ANGPT1: variants seen among roughly 807,000 people sequenced by gnomAD.
ANGPT1 encodes angiopoietin-1.
In ANGPT1, 17 loss-of-function variants were observed where a neutral mutation model predicts 62.2. That is an observed-to-expected ratio of 0.27 (90% CI 0.19 to 0.41). ANGPT1 has a LOEUF of 0.41. Among genes scored for constraint, ANGPT1 ranks in the 10% least tolerant of loss-of-function variants. The pLI, the probability that ANGPT1 is intolerant of heterozygous loss-of-function variation, is 1.00. For synonymous variants in ANGPT1, 199 were observed against 198.9 expected (o/e 1.00, Z 0.00); for missense variants, 478 against 594.9 (o/e 0.80, Z 2.04).
chr8:107,482,034 GGAC>G (rs1252323253), intron 1 of ANGPT1, among the ~76,000 whole-genome samples: 1 of 152,082 alleles, frequency 6.6e-6, no homozygotes, highest in Non-Finnish European at 1.5e-5. Flanking sequence ...TTAAATTCCC[GGAC>G]CTTCAGTTCT....
chr8:107,422,013 A>C (rs751278102), intron 1 of ANGPT1, among the ~76,000 whole-genome samples: 2 of 152,148 alleles, frequency 1.3e-5, no homozygotes, highest in Non-Finnish European at 2.9e-5. Context: ...CTTTTAGAAC[A>C]CATTCTTTCA....
intron 6 of ANGPT1, among the ~76,000 whole-genome samples, chr8:107,292,293 A>C (rs1417073136): frequency 4.6e-5 from 7 of 152,146 alleles, no homozygotes; most frequent in Admixed American, 2.6e-4. Flanking sequence ...GGATAAGTTC[A>C]CTTGTTTGAA....
chr8:107,450,163 A>G (rs1353862804), intron 1 of ANGPT1, among the ~76,000 whole-genome samples: 1 of 152,082 alleles, frequency 6.6e-6, no homozygotes, highest in East Asian at 1.9e-4. Flanking sequence ...GAGGAACCAT[A>G]TGGGACATAC....
intron 1 of ANGPT1, among the ~76,000 whole-genome samples, chr8:107,400,049 A>G (rs528923074): frequency 6.6e-6 from 1 of 152,252 alleles, no homozygotes; most frequent in African/African-American, 2.4e-5. Flanking sequence ...TTTTCTTAAC[A>G]TGTAGGTATT....
chr8:107,494,949 G>GTTGCT (rs751734130), intron 1 of ANGPT1: 1 of 152,156 alleles, frequency 6.6e-6, no homozygotes, highest in Non-Finnish European at 1.5e-5. Flanking sequence ...TCTGCAGGGT[G>GTTGCT]TTGCTTCTTC....
In ANGPT1 at chr8:107,267,824, G is replaced by A. The variant is rs944456737; in HGVS notation, c.1206-3473C>T. On this transcript the variant is annotated intron_variant, in intron 7 of 8. Transcript: ENST00000517746. ...TCCCATATCTTGTTATTTTCTGCAC[G>A]TACACATAGTGCTCCAGCCTTACCC... Among the ~76,000 whole-genome samples the A allele has an allele frequency of 2.0e-5, 3 of 151,056 alleles. No homozygotes were observed. In the East Asian group the frequency reaches 5.9e-4, roughly 30 times the overall value.
At chr8:107,420,022 G>A (rs537355736) in intron 1 of ANGPT1, among the ~76,000 whole-genome samples, 3 of 152,142 alleles carry the variant, frequency 2.0e-5, no homozygotes, top group Non-Finnish European at 4.4e-5. Context: ...GAGGATTAGG[G>A]CAGAAGCCAG....
chr8:107,483,589 A>G (rs1051487339), intron 1 of ANGPT1, among the ~76,000 whole-genome samples: 2 of 151,848 alleles, frequency 1.3e-5, no homozygotes, highest in African/African-American at 4.8e-5. Context: ...AAAAAATTCA[A>G]AACATATATG....
intron 1 of ANGPT1, among the ~76,000 whole-genome samples, chr8:107,351,808 C>G (rs1358889811): frequency 6.6e-6 from 1 of 151,984 alleles, no homozygotes; most frequent in African/African-American, 2.4e-5. Context: ...TTTATTTTGT[C>G]TGCTCATTCT....
chr8:107,462,191 G>A (rs990928345), intron 1 of ANGPT1, among the ~76,000 whole-genome samples: 7 of 151,870 alleles, frequency 4.6e-5, no homozygotes, highest in African/African-American at 1.7e-4. Flanking sequence ...GCTTTTAGAA[G>A]GTAATGATGA....
Position 107,277,470 on chromosome 8 carries a change from T to G in ANGPT1, c.1205+7212A>C, listed in dbSNP as rs111415344. Among the ~76,000 whole-genome samples, 1,250 of 152,304 alleles carry G rather than the reference T, an allele frequency of 8.2e-3. 12 individuals carry two copies. Among genetic ancestry groups the G allele is most frequent in the South Asian group, 0.025 (120 of 4,822 alleles). On this transcript the variant is annotated intron_variant, in intron 7 of 8. Coordinates refer to ENST00000517746, the MANE Select transcript of ANGPT1 (RefSeq NM_001146.5). ...TTTTTAAACTGTGCTGTACTAATGT[T>G]TGAGATAATAGCAAGAGGAAATATT... is the stretch of plus-strand genomic sequence containing the variant.
intron 1 of ANGPT1, among the ~76,000 whole-genome samples, chr8:107,495,251 A>G (rs1422523691): frequency 6.6e-6 from 1 of 152,232 alleles, no homozygotes; most frequent in Non-Finnish European, 1.5e-5. Flanking sequence ...GCTCTGACTC[A>G]TACCAATAGG....
chr8:107,288,526 G>A (rs567524480), intron 6 of ANGPT1, among the ~76,000 whole-genome samples: 1 of 152,192 alleles, frequency 6.6e-6, no homozygotes, highest in African/African-American at 2.4e-5. Context: ...AGATGGTTAG[G>A]TCCCCCGTGA....
At chr8:107,392,632 C>G (rs1249396966) in intron 1 of ANGPT1, among the ~76,000 whole-genome samples, 4 of 152,092 alleles carry the variant, frequency 2.6e-5, no homozygotes, top group Non-Finnish European at 4.4e-5. Flanking sequence ...GCAAATATAT[C>G]TATATTGGAT....
chr8:107,266,994 C>G (rs111329649), intron 7 of ANGPT1, among the ~76,000 whole-genome samples: 62 of 151,924 alleles, frequency 4.1e-4, no homozygotes, highest in African/African-American at 1.4e-3. Flanking sequence ...CTACTCTTTT[C>G]ATATTAACAA....
chr8:107,375,228 G>T (rs1441839173), intron 1 of ANGPT1, among the ~76,000 whole-genome samples: 1 of 152,006 alleles, frequency 6.6e-6, no homozygotes, highest in African/African-American at 2.4e-5. Flanking sequence ...ATAAAATTTA[G>T]CATAAATAAG....
chr8:107,361,197 T>C (rs1816153686), intron 1 of ANGPT1, among the ~76,000 whole-genome samples: 1 of 152,052 alleles, frequency 6.6e-6, no homozygotes, highest in Admixed American at 6.6e-5. Flanking sequence ...TGAGCTCTAA[T>C]ATTATGATTT....
At chr8:107,333,903 C>A (rs1333289809) in intron 3 of ANGPT1, among the ~76,000 whole-genome samples, 2 of 141,268 alleles carry the variant, frequency 1.4e-5, no homozygotes, top group Admixed American at 7.2e-5. Context: ...AGAAAGGATA[C>A]ATTTTTAAGA....
chr8:107,399,418 T>C (rs1816999225), intron 1 of ANGPT1, among the ~76,000 whole-genome samples: 2 of 152,224 alleles, frequency 1.3e-5, no homozygotes, highest in African/African-American at 4.8e-5. Flanking sequence ...GTAATTTTCA[T>C]TGTACTATCA....
Sources: gnomAD v4.1 joint callset for allele counts (sites outside exome capture counted in the v4.1 genomes callset) on GRCh38, gnomAD v4.1.1 for gene constraint, MANE v1.5 for transcripts, NCBI Gene and HGNC (gene_info 2026-07-23, HGNC 2026-07-21) for gene names.